KDM6A: variants seen among roughly 807,000 people sequenced by gnomAD.
KDM6A encodes lysine-specific demethylase 6A.
In KDM6A, 11 loss-of-function variants were observed where a neutral mutation model predicts 117.6. The ratio of observed to expected loss-of-function variants is 0.09; its 90% CI spans 0.06 to 0.15. The LOEUF (loss-of-function observed/expected upper bound fraction) is 0.15, where lower values mean the gene tolerates loss of function less well. KDM6A is among the 10% of genes least tolerant of loss of function. The pLI is 1.00. For missense variants in KDM6A, 799 were observed against 1,077.3 expected (o/e 0.74, Z 3.62); for synonymous variants, 384 against 396.1 (o/e 0.97, Z 0.36).
rs186886531 is a variant in KDM6A, at chrX:44,895,531, T to C, written c.225+21544T>C. On this transcript the variant is annotated intron_variant, in intron 2 of 29. Coordinates refer to ENST00000611820, the MANE Select transcript of KDM6A (RefSeq NM_001291415.2). ...GATTTCTTCTCTATTTCCTTCTTTCTGCTTGCTTTGGGTTTATTTGCTCTT... is the reference window on the plus strand; with the variant it reads ...GATTTCTTCTCTATTTCCTTCTTTCCGCTTGCTTTGGGTTTATTTGCTCTT... Among the ~76,000 whole-genome samples, 325 of 104,624 alleles carry C rather than the reference T, an allele frequency of 3.1e-3. 3 individuals are homozygous for C. Among genetic ancestry groups the C allele is most frequent in the African/African-American group, 0.011 (311 of 28,830 alleles). The allele number at this position is 104,624 out of a possible 115,157, so 90.9% of individuals were successfully genotyped here. A position where few individuals can be genotyped will look rare whatever the true frequency, so the allele number is the denominator to read the frequency against.
intron 4 of KDM6A, among the ~76,000 whole-genome samples, chrX:44,995,424 A>T (rs1226750311): frequency 9.0e-6 from 1 of 110,987 alleles, no homozygotes; most frequent in Non-Finnish European, 1.9e-5. Flanking sequence ...AAATTATACT[A>T]TAATTTAAGG....
chrX:44,889,682 A>C (rs2033179796), intron 2 of KDM6A, among the ~76,000 whole-genome samples: 1 of 111,945 alleles, frequency 8.9e-6, no homozygotes, highest in Non-Finnish European at 1.9e-5. Flanking sequence ...GGTGAGTCCT[A>C]TCTGAAGGAA....
intron 2 of KDM6A, among the ~76,000 whole-genome samples, chrX:44,931,999 G>A (rs1291821388): frequency 9.4e-6 from 1 of 106,842 alleles, no homozygotes; most frequent in East Asian, 3.0e-4. Context: ...GTCTTGAACT[G>A]AAGAGCTTGC....
At chrX:45,110,043 T>C (rs1024365551) in intron 28 of KDM6A, 36 bp from the exon 29 acceptor site, 1 of 1,147,998 alleles carries the variant, frequency 8.7e-7, no homozygotes, top group Non-Finnish European at 1.2e-6. Context: ...AATACCACTA[T>C]CTCTATTGAA....
chrX:45,072,094 A>G (rs936080526), intron 18 of KDM6A, among the ~76,000 whole-genome samples: 28 of 112,039 alleles, frequency 2.5e-4, no homozygotes, highest in Non-Finnish European at 4.7e-4. Flanking sequence ...TTCATTTTCT[A>G]TTAGTTTCTA....
chrX:45,077,763 C>A (rs1309396614), intron 19 of KDM6A, among the ~76,000 whole-genome samples: 1 of 111,179 alleles, frequency 9.0e-6, no homozygotes, highest in Non-Finnish European at 1.9e-5. Flanking sequence ...CTTTTCCTCT[C>A]TTATATTGTG....
At chrX:44,919,854 C>G (rs773282318) in intron 2 of KDM6A, among the ~76,000 whole-genome samples, 76 of 111,136 alleles carry the variant, frequency 6.8e-4, no homozygotes, top group African/African-American at 2.5e-3. Flanking sequence ...AAGTGATCCA[C>G]CCGCCTGGGC....
intron 18 of KDM6A, among the ~76,000 whole-genome samples, chrX:45,076,144 CA>C (rs1349312102): frequency 9.0e-6 from 1 of 110,941 alleles, no homozygotes; most frequent in Non-Finnish European, 1.9e-5. Flanking sequence ...CAGTTATATG[CA>C]TTGTTTAAAA....
chrX:44,971,128 T>C (rs1049531842), intron 3 of KDM6A, among the ~76,000 whole-genome samples: 1 of 112,075 alleles, frequency 8.9e-6, no homozygotes, highest in Non-Finnish European at 1.9e-5. Flanking sequence ...AAACTCTTGC[T>C]TGACTATTTT....
chrX:44,917,634 C>A (rs145778481), intron 2 of KDM6A, among the ~76,000 whole-genome samples: 5,064 of 111,419 alleles, frequency 0.045, 281 homozygotes, highest in African/African-American at 0.16. Context: ...AGGTTTTATT[C>A]CTCCTGCGCT....
At chrX:45,002,177 CA>C (rs1213358213) in intron 4 of KDM6A, among the ~76,000 whole-genome samples, 1 of 110,026 alleles carries the variant, frequency 9.1e-6, no homozygotes, top group Non-Finnish European at 1.9e-5. Flanking sequence ...TTATATTTGA[CA>C]GTGCTTCCTG....
chrX:44,920,967 C>G (rs1397838480), intron 2 of KDM6A, among the ~76,000 whole-genome samples: 1 of 104,377 alleles, frequency 9.6e-6, no homozygotes, highest in Non-Finnish European at 2.0e-5. Flanking sequence ...CTCCGCCTCT[C>G]GGGTTCAAGC....
intron 2 of KDM6A, among the ~76,000 whole-genome samples, chrX:44,954,127 AG>A (rs1291660764): frequency 9.1e-6 from 1 of 110,289 alleles, no homozygotes; most frequent in Non-Finnish European, 1.9e-5. Flanking sequence ...AAAAAAAAAA[AG>A]TATAATGTGT....
At chrX:45,053,150 T>A (rs970534354) in intron 9 of KDM6A, among the ~76,000 whole-genome samples, 9 of 111,942 alleles carry the variant, frequency 8.0e-5, no homozygotes, top group Non-Finnish European at 1.7e-4. Flanking sequence ...AGATTCTTAA[T>A]TGGCTCGGTG....
chrX:44,911,512 G>A (rs1258330016), intron 2 of KDM6A, among the ~76,000 whole-genome samples: 5 of 110,397 alleles, frequency 4.5e-5, no homozygotes, highest in Middle Eastern at 4.7e-3. Context: ...ACGGGATGGC[G>A]GCCGGGAAGA....
intron 27 of KDM6A, 59 bp downstream of exon 27, chrX:45,090,923 GT>G (rs2045868018): frequency 5.3e-6 from 6 of 1,130,853 alleles, no homozygotes; most frequent in East Asian, 3.0e-5. Context: ...TAACTATTAA[GT>G]TTTTTTTCTC....
At chrX:45,040,666 CG>C (rs1156759293) in intron 8 of KDM6A, among the ~76,000 whole-genome samples, 1 of 76,309 alleles carries the variant, frequency 1.3e-5, no homozygotes, top group Non-Finnish European at 2.5e-5. Flanking sequence ...GCTGGCCGGG[CG>C]GGGGGCTGAC....
chrX:45,107,428 T>G lies in KDM6A; in HGVS notation c.4053T>G (p.Thr1351=). The change falls in exon 28 of 30, where the codon ACT becomes ACG. Residue 1351 remains threonine (T), a synonymous_variant. Coordinates refer to ENST00000611820, the MANE Select transcript of KDM6A (RefSeq NM_001291415.2). ...FEMIKYCLLR[T]LKQCQTLREA... Reference sequence around the variant, plus strand: ...ACAATAGGTATTGTCTTCTAAGAACTCTGAAGCAATGTCAGACATTGAGGG... The same window carrying G: ...ACAATAGGTATTGTCTTCTAAGAACGCTGAAGCAATGTCAGACATTGAGGG... 8.3e-7 allele frequency: 1 copy of G among 1,208,438 alleles called. No individual in the cohort carries two copies. The highest frequency in any genetic ancestry group is 3.0e-5 in the East Asian group (1 of 33,793).
At chrX:45,033,567 A>AT (rs1044100185) in intron 6 of KDM6A, among the ~76,000 whole-genome samples, 25 of 109,786 alleles carry the variant, frequency 2.3e-4, no homozygotes, top group South Asian at 2.0e-3. Flanking sequence ...ATTTTATTTT[A>AT]TTTTTTTTGA....
Sources: allele counts gnomAD v4.1 joint callset (sites outside exome capture counted in the v4.1 genomes callset), GRCh38; gene constraint gnomAD v4.1.1; transcripts MANE v1.5; gene names NCBI Gene and HGNC (gene_info 2026-07-23, HGNC 2026-07-21).